The following TPD52 variants were observed in gnomAD, a reference collection of about 807,000 sequenced individuals.
TPD52 encodes prostate and colon associated protein.
Under a neutral mutation model 31.3 loss-of-function variants are expected in TPD52, and 17 were observed. That is an observed-to-expected ratio of 0.54 (90% CI 0.37 to 0.82). The LOEUF is 0.82. Among genes scored for constraint, TPD52 ranks in the 40% least tolerant of loss-of-function variants. The pLI is 0.00. For missense variants in TPD52, 212 were observed against 240.1 expected (o/e 0.88, Z 0.77); for synonymous variants, 83 against 89.6 (o/e 0.93, Z 0.42).
At position 80,042,648 on chromosome 8, in the gene TPD52, G is replaced by A. The variant is rs1355751635; in HGVS notation, c.476C>T (p.Ser159Leu). The change falls in exon 7 of 8, where the codon TCA becomes TTA. Residue 159 changes from serine (S) to leucine (L), a missense_variant. Coordinates refer to ENST00000518937, the MANE Select transcript of TPD52 (RefSeq NM_001025253.3). Reference protein sequence around the residue: ...PAMRNSPTFKSFEEKVENLKS... With the variant: ...PAMRNSPTFKLFEEKVENLKS... ...TAAGTTTTCGACCTTTTCTTCAAAT[G>A]ATTTAAAAGTTGGGGAGTTTCTATG... 6.2e-7 allele frequency: 1 copy of A among 1,610,500 alleles called. No individual in the cohort carries two copies. The highest frequency in any genetic ancestry group is 8.5e-7 in the Non-Finnish European group (1 of 1,178,258).
chr8:80,121,534 T>C (rs1042751009), intron 1 of TPD52, among the ~76,000 whole-genome samples: 1 of 152,218 alleles, frequency 6.6e-6, no homozygotes, highest in African/African-American at 2.4e-5. Flanking sequence ...AAATACATTG[T>C]GTAAAAGTAG....
In TPD52 at chr8:80,089,085, G is replaced by A. The variant is rs771094675; in HGVS notation, c.20-24492C>T. Among the ~76,000 whole-genome samples the A allele has an allele frequency of 7.9e-5, 12 of 152,182 alleles. No homozygotes were observed. The South Asian group carries it at 1.0e-3, about 13-fold the overall frequency. ...TCTTGGACTTTCAGCCTCCAGAATC[G>A]TGAGAATATAAATTTCCATTGTTCA... On this transcript the variant is annotated intron_variant, in intron 1 of 7. Transcript: ENST00000518937.
intron 1 of TPD52, among the ~76,000 whole-genome samples, chr8:80,076,719 G>A (rs1429960052): frequency 6.6e-6 from 1 of 152,076 alleles, no homozygotes; most frequent in East Asian, 1.9e-4. Context: ...CTGTCACCCA[G>A]GCTGGAGTGC....
In TPD52 at chr8:80,037,315, AC is replaced by A. The variant is rs755624205; in HGVS notation, c.*800del. On this transcript the variant is annotated 3_prime_UTR_variant, in exon 8 of 8. Coordinates refer to ENST00000518937, the MANE Select transcript of TPD52 (RefSeq NM_001025253.3). ...CATTGATGACAGTGTTCATAGTTCA[AC>A]CTACTGAACATACAGTGTGCTTGAT... is the stretch of plus-strand genomic sequence containing the variant. 2 of 152,336 alleles carry A rather than the reference AC, an allele frequency of 1.3e-5. No homozygotes were observed. Among genetic ancestry groups the A allele is most frequent in the Non-Finnish European group, 2.9e-5 (2 of 68,018 alleles). 9.4% of individuals were successfully genotyped at this position (152,336 alleles called of 1,614,324 possible).
chr8:80,044,045 TAAACAC>T, intron 6 of TPD52, 116 bp downstream of exon 6: 1 of 808,152 alleles, frequency 1.2e-6, no homozygotes, highest in Non-Finnish European at 2.0e-6. Context: ...GATAGAGTGT[TAAACAC>T]ACAGCTTGTT....
intron 1 of TPD52, among the ~76,000 whole-genome samples, chr8:80,149,234 T>C (rs1810410520): frequency 6.6e-6 from 1 of 152,174 alleles, no homozygotes; most frequent in African/African-American, 2.4e-5. Flanking sequence ...AATGCTGTTC[T>C]TGTGATAGTA....
At chr8:80,066,336 G>C (rs1330044004) in intron 1 of TPD52, among the ~76,000 whole-genome samples, 1 of 152,052 alleles carries the variant, frequency 6.6e-6, no homozygotes, top group East Asian at 1.9e-4. Context: ...CCAAAATAGT[G>C]CCTACCTGGA....
At chr8:80,106,332 A>G (rs1807105081) in intron 1 of TPD52, among the ~76,000 whole-genome samples, 1 of 152,134 alleles carries the variant, frequency 6.6e-6, no homozygotes, top group Non-Finnish European at 1.5e-5. Context: ...GCTATCAAAC[A>G]GTAGGTTTAT....
intron 1 of TPD52, among the ~76,000 whole-genome samples, chr8:80,126,362 G>A (rs1225584919): frequency 1.5e-5 from 2 of 131,866 alleles, no homozygotes; most frequent in Non-Finnish European, 3.3e-5. Context: ...ACTCATTGAG[G>A]TTTTTTTTTT....
intron 1 of TPD52, among the ~76,000 whole-genome samples, chr8:80,134,250 T>C (rs1240096167): frequency 6.6e-6 from 1 of 152,218 alleles, no homozygotes; most frequent in Non-Finnish European, 1.5e-5. Context: ...CCCAACCCTA[T>C]GAGGGGCACT....
chr8:80,058,688 CT>C (rs1812168107), intron 2 of TPD52, among the ~76,000 whole-genome samples: 2 of 152,174 alleles, frequency 1.3e-5, no homozygotes, highest in Non-Finnish European at 2.9e-5. Flanking sequence ...GTCCCAGCTA[CT>C]CAGGAGGCTG....
In TPD52 at chr8:80,128,494, CAA is replaced by C. The variant is rs3053828; in HGVS notation, c.19+42929_19+42930del. 1.3e-4 allele frequency among the ~76,000 whole-genome samples: 11 copies of C among 83,126 alleles called. 1 individual carries two copies. The highest frequency in any genetic ancestry group is 9.4e-4 in the South Asian group (2 of 2,134). The allele number at this position is 83,126 out of a possible 152,430, so 54.5% of individuals were successfully genotyped here. On this transcript the variant is annotated intron_variant, in intron 1 of 7. Coordinates refer to ENST00000518937, the MANE Select transcript of TPD52 (RefSeq NM_001025253.3). ...GCAACACAAGGAGACCCTGTCTCTACAAAAAAAAAAAAAAAAAATGCTGGGCA... is the reference window on the plus strand; with the variant it reads ...GCAACACAAGGAGACCCTGTCTCTACAAAAAAAAAAAAAAAATGCTGGGCA...
intron 1 of TPD52, among the ~76,000 whole-genome samples, chr8:80,159,835 T>C (rs1563670221): frequency 6.6e-6 from 1 of 152,174 alleles, no homozygotes; most frequent in Non-Finnish European, 1.5e-5. Flanking sequence ...TTGTTTCAAT[T>C]ATTTGGAAAG....
At chr8:80,090,323 C>T (rs1475770449) in intron 1 of TPD52, among the ~76,000 whole-genome samples, 3 of 152,106 alleles carry the variant, frequency 2.0e-5, no homozygotes, top group Non-Finnish European at 4.4e-5. Flanking sequence ...TCACTTCAGC[C>T]CAGGAGTTCA....
chr8:80,051,403 C>T, intron 4 of TPD52, 124 bp downstream of exon 4: 1 of 833,948 alleles, frequency 1.2e-6, no homozygotes. Flanking sequence ...TGAAGGAGTG[C>T]CCTCCCTCAC....
intron 2 of TPD52, among the ~76,000 whole-genome samples, chr8:80,063,055 A>G (rs938054033): frequency 1.3e-5 from 2 of 152,228 alleles, no homozygotes; most frequent in Non-Finnish European, 2.9e-5. Flanking sequence ...GGCATATATG[A>G]AAAAGAACTG....
intron 1 of TPD52, among the ~76,000 whole-genome samples, chr8:80,139,645 AG>A (rs1809686439): frequency 7.3e-6 from 1 of 136,894 alleles, no homozygotes; most frequent in African/African-American, 2.7e-5. Context: ...GGTGGGGGTG[AG>A]GGCGGGGAAG....
intron 2 of TPD52, among the ~76,000 whole-genome samples, chr8:80,057,991 T>G (rs533243883): frequency 6.6e-6 from 1 of 152,178 alleles, no homozygotes; most frequent in Admixed American, 6.5e-5. Context: ...AAGACTGTTG[T>G]AATAATTAAT....
intron 1 of TPD52, among the ~76,000 whole-genome samples, chr8:80,098,326 C>T (rs1008819677): frequency 6.6e-6 from 1 of 152,094 alleles, no homozygotes; most frequent in African/African-American, 2.4e-5. Context: ...AGAGATTGCT[C>T]GGGTGGGTCT....
Sources: gnomAD v4.1 joint callset for allele counts (sites outside exome capture counted in the v4.1 genomes callset) on GRCh38, gnomAD v4.1.1 for gene constraint, MANE v1.5 for transcripts, NCBI Gene and HGNC (gene_info 2026-07-23, HGNC 2026-07-21) for gene names.